Variants in ELOVL5 observed in about 807,000 individuals in gnomAD.
ELOVL5 encodes ELOVL fatty acid elongase 5, also known as very long chain fatty acid elongase 5.
ELOVL5 carries 8 observed loss-of-function variants against 38.6 expected under a neutral mutation model. That is an observed-to-expected ratio of 0.21 (90% confidence interval 0.12 to 0.37). The LOEUF is 0.37. ELOVL5 is among the 10% of genes least tolerant of loss of function. ELOVL5 has a pLI of 1.00. For synonymous variants in ELOVL5, 127 were observed against 133.7 expected (o/e 0.95, Z 0.34); for missense variants, 280 against 367.8 (o/e 0.76, Z 1.95).
chr6:53,335,092 T>G (rs911634106), intron 1 of ELOVL5, among the ~76,000 whole-genome samples: 1 of 152,312 alleles, frequency 6.6e-6, no homozygotes, highest in South Asian at 2.1e-4. Flanking sequence ...TCTATGGGAT[T>G]TACAGGATTT....
chr6:53,278,920 T>G (rs982751346), intron 3 of ELOVL5, among the ~76,000 whole-genome samples: 1 of 152,222 alleles, frequency 6.6e-6, no homozygotes, highest in Non-Finnish European at 1.5e-5. Flanking sequence ...TGTCCAGGTA[T>G]TTAGTCTTCC....
chr6:53,301,022 C>A (rs951843969), intron 1 of ELOVL5, among the ~76,000 whole-genome samples: 1 of 152,144 alleles, frequency 6.6e-6, no homozygotes. Context: ...GGCTGGCCTG[C>A]CCTGTTAAGT....
chr6:53,297,248 A>C (rs1191975139), intron 1 of ELOVL5, among the ~76,000 whole-genome samples: 1 of 152,192 alleles, frequency 6.6e-6, no homozygotes, highest in African/African-American at 2.4e-5. Context: ...CCTTAGCACA[A>C]GGTCACTTCT....
rs187356290 is a variant in ELOVL5 at position 53,313,089 on chromosome 6, G to A, written c.-8-17382C>T. The stretch of plus-strand genomic sequence containing the variant: ...AATCATACATCTCACAAAGAGGCCC[G>A]CTGTCAAACAGTAAGAAAATCATGA... On this transcript the variant is annotated intron_variant, in intron 1 of 7. Transcript: ENST00000304434. Among the ~76,000 whole-genome samples, 260 of 152,234 alleles carry A rather than the reference G, an allele frequency of 1.7e-3. 2 individuals carry two copies. Among genetic ancestry groups the A allele is most frequent in the African/African-American group, 6.0e-3 (249 of 41,534 alleles).
intron 3 of ELOVL5, among the ~76,000 whole-genome samples, chr6:53,278,714 T>G (rs1766237315): frequency 6.6e-6 from 1 of 152,162 alleles, no homozygotes; most frequent in East Asian, 1.9e-4. Context: ...CCACCATTCC[T>G]CTTCCACCTG....
intron 1 of ELOVL5, among the ~76,000 whole-genome samples, chr6:53,325,964 C>T (rs1768524830): frequency 6.6e-6 from 1 of 152,204 alleles, no homozygotes; most frequent in African/African-American, 2.4e-5. Flanking sequence ...CTGGACAGAG[C>T]ATCAGGGAAG....
chr6:53,293,356 C>T (rs142588990), intron 2 of ELOVL5, among the ~76,000 whole-genome samples: 3,465 of 152,188 alleles, frequency 0.023, 130 homozygotes, highest in African/African-American at 0.073. Flanking sequence ...CTCACTCTGT[C>T]GCCCAGGCTG....
rs1247066978 is a variant in ELOVL5, at chr6:53,267,467, C to T, written c.*1660G>A. 1 of 152,516 alleles carries T rather than the reference C, an allele frequency of 6.6e-6. No homozygotes were observed. The highest frequency in any genetic ancestry group is 1.5e-5 in the Non-Finnish European group (1 of 68,046). 9.4% of individuals were successfully genotyped at this position (152,516 alleles called of 1,614,324 possible). ...AACAATGTAGGTATATCCAGGTGAG[C>T]TAAGCACACTTTGACAGCACACTAT... On this transcript the variant is annotated 3_prime_UTR_variant, in exon 8 of 8. Coordinates refer to ENST00000304434, the MANE Select transcript of ELOVL5 (RefSeq NM_021814.5).
At chr6:53,298,872 G>T (rs9474478) in intron 1 of ELOVL5, among the ~76,000 whole-genome samples, 2,482 of 128,950 alleles carry the variant, frequency 0.019, 83 homozygotes, top group African/African-American at 0.073. Context: ...CACCCCTAGA[G>T]AGACAGCAAG....
chr6:53,298,219 C>T (rs1767095550), intron 1 of ELOVL5, among the ~76,000 whole-genome samples: 1 of 152,176 alleles, frequency 6.6e-6, no homozygotes, highest in African/African-American at 2.4e-5. Context: ...CACTAGGCTG[C>T]ATCCCAAACA....
At chr6:53,326,973 A>T (rs2127590020) in intron 1 of ELOVL5, among the ~76,000 whole-genome samples, 1 of 152,336 alleles carries the variant, frequency 6.6e-6, no homozygotes, top group East Asian at 1.9e-4. Context: ...CCACTAGTGC[A>T]GCAGACAGTT....
intron 3 of ELOVL5, among the ~76,000 whole-genome samples, chr6:53,284,249 T>G (rs1766476171): frequency 6.6e-6 from 1 of 151,010 alleles, no homozygotes; most frequent in Non-Finnish European, 1.5e-5. Context: ...GAGGTTACAA[T>G]GAGCTATGAC....
At chr6:53,274,742 C>G (rs1399231835) in intron 5 of ELOVL5, among the ~76,000 whole-genome samples, 1 of 152,198 alleles carries the variant, frequency 6.6e-6, no homozygotes, top group African/African-American at 2.4e-5. Flanking sequence ...ACTCATGCAA[C>G]AGTGTGATCC....
intron 1 of ELOVL5, among the ~76,000 whole-genome samples, chr6:53,297,752 T>A (rs537133529): frequency 6.6e-6 from 1 of 152,090 alleles, no homozygotes; most frequent in Non-Finnish European, 1.5e-5. Context: ...AGGCTTCCAT[T>A]CTAGGGGCCT....
At chr6:53,271,714 C>T (rs1765938954) in intron 6 of ELOVL5, among the ~76,000 whole-genome samples, 1 of 152,198 alleles carries the variant, frequency 6.6e-6, no homozygotes. Flanking sequence ...CTACCTCAGC[C>T]TCCCGAGTGA....
rs189591190 is a variant in ELOVL5, at chr6:53,339,655, T to C, written c.-9+9162A>G. Among the ~76,000 whole-genome samples, 259 of 152,300 alleles carry C rather than the reference T, an allele frequency of 1.7e-3. 2 individuals carry two copies. The highest frequency in any genetic ancestry group is 6.0e-3 in the African/African-American group (249 of 41,568). On this transcript the variant is annotated intron_variant, in intron 1 of 7. Coordinates refer to ENST00000304434, the MANE Select transcript of ELOVL5 (RefSeq NM_021814.5). ...GCACAATAAAACATTTGTGGTGATG[T>C]TGGTGTAAATAAACCTACTGCATAG...
At chr6:53,321,278 T>C (rs990043494) in intron 1 of ELOVL5, among the ~76,000 whole-genome samples, 2 of 152,272 alleles carry the variant, frequency 1.3e-5, no homozygotes, top group Non-Finnish European at 1.5e-5. Context: ...GGGTCAGTCC[T>C]GCAGACATCA....
At chr6:53,291,030 T>G (rs1004043962) in intron 3 of ELOVL5, among the ~76,000 whole-genome samples, 9 of 152,004 alleles carry the variant, frequency 5.9e-5, no homozygotes, top group African/African-American at 1.5e-4. Flanking sequence ...CCTGGAAAAA[T>G]GTACACAAAC....
intron 6 of ELOVL5, 134 bp downstream of exon 6, chr6:53,273,086 C>T: frequency 1.0e-6 from 1 of 979,324 alleles, no homozygotes; most frequent in Non-Finnish European, 1.5e-6. Context: ...CTACCCACTT[C>T]AAGGAATTTA....
Sources: gnomAD v4.1 joint callset for allele counts (sites outside exome capture counted in the v4.1 genomes callset) on GRCh38, gnomAD v4.1.1 for gene constraint, MANE v1.5 for transcripts, NCBI Gene and HGNC (gene_info 2026-07-23, HGNC 2026-07-21) for gene names.